The following C6orf120 variants were observed in gnomAD, a reference collection of about 807,000 sequenced individuals.
C6orf120 encodes chromosome 6 open reading frame 120.
For missense variants in C6orf120, 311 were observed against 264.2 expected (o/e 1.18, Z -1.23); for synonymous variants, 165 against 123.1 (o/e 1.34, Z -2.25).
downstream of C6orf120, chr6:169,705,005 GCTTTGGTCATATTTGC>G: frequency 3.3e-6 from 2 of 601,474 alleles, no homozygotes; most frequent in South Asian, 6.2e-5. Context: ...TATAATCACA[GCTTTGGTCATATTTGC>G]ACATAAGAGT....
downstream of C6orf120, chr6:169,705,086 G>A: frequency 7.0e-7 from 1 of 1,423,146 alleles, no homozygotes; most frequent in South Asian, 1.4e-5. Flanking sequence ...AGTGCTGGGA[G>A]AGTCTCATCA....
downstream of C6orf120, chr6:169,705,051 T>C (rs1240497253): frequency 2.0e-6 from 2 of 1,024,178 alleles, no homozygotes; most frequent in African/African-American, 1.6e-5. Context: ...CTTCATGTCA[T>C]GATAGCGTTT....
At chr6:169,702,907 C>G in exon 1 of C6orf120, 1 of 1,612,638 alleles carries the variant, frequency 6.2e-7, no homozygotes, top group East Asian at 2.2e-5. Context: ...GGCCGCCTAC[C>G]CCGCCGACGG....
chr6:169,704,065 GACA>G, exon 1 of C6orf120: 6 of 1,582,716 alleles, frequency 3.8e-6, no homozygotes, highest in South Asian at 1.2e-5. Flanking sequence ...GGGGCCCGCT[GACA>G]ACAGTCACAA....
exon 1 of C6orf120, chr6:169,703,077 A>AC (rs1356338357): frequency 1.6e-5 from 24 of 1,522,316 alleles, no homozygotes; most frequent in Middle Eastern, 1.7e-4. Flanking sequence ...TCCATCTGTG[A>AC]AGCTGATTGC....
exon 1 of C6orf120, chr6:169,704,055 G>A: frequency 1.3e-6 from 2 of 1,583,718 alleles, no homozygotes; most frequent in African/African-American, 1.4e-5. Context: ...GGGTGTTGGG[G>A]GGGCCCGCTG....
chr6:169,705,166 TATG>T (rs755701942), downstream of C6orf120: 5 of 1,611,660 alleles, frequency 3.1e-6, no homozygotes, highest in Non-Finnish European at 4.2e-6. Context: ...ACACAAAAAG[TATG>T]ATAACCTCTG....
exon 1 of C6orf120, chr6:169,703,170 C>T: frequency 1.0e-6 from 1 of 955,562 alleles, no homozygotes; most frequent in Non-Finnish European, 1.5e-6. Flanking sequence ...AAGCCATACG[C>T]AGTTTTGTTA....
exon 1 of C6orf120, chr6:169,703,962 T>C (rs769793084): frequency 1.4e-6 from 2 of 1,415,862 alleles, no homozygotes; most frequent in South Asian, 1.4e-5. Flanking sequence ...CACCAAATAT[T>C]CCACTTAAAT....
downstream of C6orf120, chr6:169,705,185 CAT>C: frequency 6.2e-7 from 1 of 1,613,542 alleles, no homozygotes; most frequent in East Asian, 2.2e-5. Flanking sequence ...CTCTGTCACA[CAT>C]ATCACAGAAC....
rs143888444 is a variant in C6orf120, at chr6:169,703,179, T to C, written c.*144T>C. ...AAAATAAAGCCATACGCAGTTTTGT[T>C]ACCTCAGTTACCCCAAAAATAGGAA... is the stretch of plus-strand genomic sequence containing the variant. On this transcript the variant is annotated 3_prime_UTR_variant, in exon 1 of 1. Coordinates refer to ENST00000332290, the Ensembl canonical transcript of C6orf120. 7.1e-4 allele frequency: 561 copies of C among 785,168 alleles called. 1 individual carries two copies. Among genetic ancestry groups the C allele is most frequent in the Non-Finnish European group, 1.1e-3 (518 of 491,790 alleles). 48.6% of individuals were successfully genotyped at this position (785,168 alleles called of 1,614,324 possible).
rs574647165 is a variant in C6orf120 at position 169,702,798 on chromosome 6, A to C, written c.339A>C (p.Pro113=). 5.0e-6 allele frequency: 8 copies of C among 1,613,048 alleles called. No homozygotes were observed. In the African/African-American group the frequency reaches 1.1e-4, roughly 21 times the overall value. ...CCATCCCCGCGCACTTCCGGCGCCCAGTGGGCATCGGCGTCTATGGACACC... is the reference window on the plus strand; with the variant it reads ...CCATCCCCGCGCACTTCCGGCGCCCCGTGGGCATCGGCGTCTATGGACACC... The change falls in exon 1 of 1, where the codon CCA becomes CCC. Residue 113 remains proline, a synonymous_variant. Transcript: ENST00000332290.
At chr6:169,702,350 C>G (rs1490764097) in exon 1 of C6orf120, 6 of 683,476 alleles carry the variant, frequency 8.8e-6, no homozygotes, top group African/African-American at 7.2e-5. Flanking sequence ...GGCGCCTGGA[C>G]GCGCCGTGGA....
exon 1 of C6orf120, chr6:169,702,498 G>A (rs773576111): frequency 6.3e-7 from 1 of 1,592,446 alleles, no homozygotes; most frequent in East Asian, 2.3e-5. Context: ...CCTGGACGAC[G>A]GCCCTGCTGC....
exon 1 of C6orf120, chr6:169,703,904 A>C: frequency 1.1e-6 from 1 of 945,022 alleles, no homozygotes; most frequent in Non-Finnish European, 1.6e-6. Context: ...TAAGCTCATA[A>C]TTTGCAAAAA....
downstream of C6orf120, chr6:169,705,809 T>G: frequency 2.6e-6 from 2 of 770,580 alleles, no homozygotes; most frequent in East Asian, 2.5e-5. Context: ...TATTGCCCTA[T>G]TTTTACTTTT....
At chr6:169,704,286 T>C in exon 1 of C6orf120, 2 of 513,608 alleles carry the variant, frequency 3.9e-6, no homozygotes, top group Non-Finnish European at 3.4e-6. Flanking sequence ...GCAAAATTCA[T>C]TGCAAGTCAA....
At chr6:169,705,896 A>T (rs1788769128), downstream of C6orf120, among the ~76,000 whole-genome samples, 2 of 152,224 alleles carry the variant, frequency 1.3e-5, no homozygotes, top group East Asian at 1.9e-4. Context: ...CTGCCTACTG[A>T]AGAAAGCATT....
exon 1 of C6orf120, chr6:169,704,060 C>G: frequency 6.3e-7 from 1 of 1,580,292 alleles, no homozygotes; most frequent in Non-Finnish European, 8.5e-7. Context: ...TTGGGGGGGC[C>G]CGCTGACAAC....
Sources: gnomAD v4.1 joint callset for allele counts (sites outside exome capture counted in the v4.1 genomes callset) on GRCh38, gnomAD v4.1.1 for gene constraint, MANE v1.5 for transcripts, NCBI Gene and HGNC (gene_info 2026-07-23, HGNC 2026-07-21) for gene names.